RIMS2: variants seen among roughly 807,000 people sequenced by gnomAD.
The protein encoded by RIMS2 is regulating synaptic membrane exocytosis protein 2.
RIMS2 carries 59 observed loss-of-function variants against 174.4 expected under a neutral mutation model. The observed-to-expected ratio is 0.34, with a 90% CI of 0.27 to 0.42. RIMS2 has a LOEUF of 0.42. RIMS2 is among the 10% of genes least tolerant of loss of function. The pLI, the probability that RIMS2 is intolerant of heterozygous loss-of-function variation, is 1.00. For missense variants in RIMS2, 1,620 were observed against 1,666.3 expected (o/e 0.97, Z 0.48); for synonymous variants, 606 against 572.5 (o/e 1.06, Z -0.84).
At chr8:104,138,795 C>T (rs974994520) in intron 19 of RIMS2, among the ~76,000 whole-genome samples, 23 of 152,092 alleles carry the variant, frequency 1.5e-4, no homozygotes, top group African/African-American at 5.3e-4. Flanking sequence ...TCCATTTTTG[C>T]TTTGGTTGCC....
At chr8:103,708,717 G>T (rs994871784) in intron 2 of RIMS2, among the ~76,000 whole-genome samples, 1 of 152,030 alleles carries the variant, frequency 6.6e-6, no homozygotes, top group Non-Finnish European at 1.5e-5. Flanking sequence ...GCATAATGTA[G>T]CATTTTTCAC....
chr8:103,847,107 A>C (rs1392145583), intron 3 of RIMS2, among the ~76,000 whole-genome samples: 2 of 147,084 alleles, frequency 1.4e-5, no homozygotes, highest in African/African-American at 5.1e-5. Context: ...CCATAGCTTT[A>C]TGTGTCCCCT....
intron 2 of RIMS2, among the ~76,000 whole-genome samples, chr8:103,713,032 TC>T (rs1162629175): frequency 2.6e-5 from 4 of 151,830 alleles, no homozygotes; most frequent in Admixed American, 1.3e-4. Context: ...TTCCTTTCTT[TC>T]TTTTTGATGG....
At chr8:103,880,736 T>A (rs2099163258) in intron 3 of RIMS2, 1 of 453,692 alleles carries the variant, frequency 2.2e-6, no homozygotes, top group African/African-American at 2.0e-5. Flanking sequence ...TATGTAAAAA[T>A]TTATATATTT....
chr8:103,662,762 C>T (rs1320111700), intron 1 of RIMS2, among the ~76,000 whole-genome samples: 1 of 152,036 alleles, frequency 6.6e-6, no homozygotes, highest in African/African-American at 2.4e-5. Context: ...CAATAACAAG[C>T]TACAAGTGTA....
chr8:103,866,953 T>A (rs2099087310), intron 3 of RIMS2, among the ~76,000 whole-genome samples: 1 of 151,996 alleles, frequency 6.6e-6, no homozygotes, highest in African/African-American at 2.4e-5. Context: ...GTCATGAGGT[T>A]CTGTGTCATT....
chr8:103,590,293 A>G (rs1213127613), intron 1 of RIMS2, among the ~76,000 whole-genome samples: 1 of 151,500 alleles, frequency 6.6e-6, no homozygotes, highest in Non-Finnish European at 1.5e-5. Flanking sequence ...GAACTTTTAA[A>G]CAAATTCAGT....
chr8:104,113,302 G>A (rs572903617), intron 19 of RIMS2, among the ~76,000 whole-genome samples: 67 of 152,096 alleles, frequency 4.4e-4, no homozygotes, highest in African/African-American at 1.6e-3. Context: ...AACGCTATAC[G>A]ATATCACTAA....
chr8:103,823,193 A>G (rs1329619915), intron 3 of RIMS2, among the ~76,000 whole-genome samples: 1 of 152,030 alleles, frequency 6.6e-6, no homozygotes, highest in Non-Finnish European at 1.5e-5. Flanking sequence ...ACACAGAGGC[A>G]TAATAAAACT....
chr8:103,607,427 C>A (rs1209781033), intron 1 of RIMS2, among the ~76,000 whole-genome samples: 2 of 151,638 alleles, frequency 1.3e-5, no homozygotes, highest in East Asian at 3.9e-4. Context: ...CTCTGGCTGC[C>A]CTTAACATTT....
In RIMS2 at chr8:103,636,786, GCA is replaced by G. The variant is rs1375076172; in HGVS notation, c.177-60298_177-60297del. On this transcript the variant is annotated intron_variant, in intron 1 of 23. Coordinates refer to ENST00000504942, the Ensembl canonical transcript of RIMS2. ...TGCTTTTTTTCTATAACCCACCCCC[GCA>G]CCCCCCCCCCCCCACACACACACAC... is the stretch of plus-strand genomic sequence containing the variant. Among the ~76,000 whole-genome samples the G allele has an allele frequency of 1.8e-3, 50 of 27,172 alleles. 1 individual carries two copies. The highest frequency in any genetic ancestry group is 5.2e-3 in the South Asian group (4 of 764). 17.8% of individuals were successfully genotyped at this position (27,172 alleles called of 152,430 possible).
At chr8:104,045,383 C>T (rs188253055) in intron 19 of RIMS2, among the ~76,000 whole-genome samples, 4 of 151,910 alleles carry the variant, frequency 2.6e-5, no homozygotes, top group Admixed American at 2.6e-4. Flanking sequence ...AAGTAGCATG[C>T]TTTATTAGGG....
intron 17 of RIMS2, among the ~76,000 whole-genome samples, chr8:103,997,843 C>T (rs1450880024): frequency 6.6e-6 from 1 of 151,096 alleles, no homozygotes; most frequent in East Asian, 1.9e-4. Flanking sequence ...CCTTCTTAAA[C>T]TTTCTGCTTA....
intron 17 of RIMS2, among the ~76,000 whole-genome samples, chr8:104,009,955 G>A (rs1018774826): frequency 6.6e-6 from 1 of 151,720 alleles, no homozygotes; most frequent in Admixed American, 6.6e-5. Flanking sequence ...ACTTTGATCT[G>A]GAGTTGTATC....
chr8:103,968,176 CT>C (rs2092371158), intron 15 of RIMS2, among the ~76,000 whole-genome samples: 1 of 151,954 alleles, frequency 6.6e-6, no homozygotes, highest in African/African-American at 2.4e-5. Context: ...CTCCTAACTT[CT>C]TTTGATTAGT....
chr8:103,904,668 C>T (rs1013558198), intron 4 of RIMS2, among the ~76,000 whole-genome samples: 2 of 152,046 alleles, frequency 1.3e-5, no homozygotes, highest in Non-Finnish European at 2.9e-5. Context: ...ATTCTTTTTA[C>T]ATGTCACTGG....
At chr8:104,090,500 G>A (rs2097631700) in intron 19 of RIMS2, among the ~76,000 whole-genome samples, 1 of 151,680 alleles carries the variant, frequency 6.6e-6, no homozygotes, top group Non-Finnish European at 1.5e-5. Flanking sequence ...TGAAAGAAAA[G>A]CAAATTGGAC....
At chr8:103,978,519 G>A (rs1402483510) in intron 16 of RIMS2, among the ~76,000 whole-genome samples, 1 of 152,246 alleles carries the variant, frequency 6.6e-6, no homozygotes, top group South Asian at 2.1e-4. Flanking sequence ...CAAGGGCCAA[G>A]AAAGGGTCAA....
At chr8:103,852,285 G>A (rs1239388865) in intron 3 of RIMS2, among the ~76,000 whole-genome samples, 1 of 151,708 alleles carries the variant, frequency 6.6e-6, no homozygotes, top group African/African-American at 2.4e-5. Context: ...GGACTTGGGG[G>A]CTAATTTTAG....
Sources: allele counts gnomAD v4.1 joint callset (sites outside exome capture counted in the v4.1 genomes callset), GRCh38; gene constraint gnomAD v4.1.1; transcripts MANE v1.5; gene names NCBI Gene and HGNC (gene_info 2026-07-23, HGNC 2026-07-21).